The following DYSF variants were observed in gnomAD, a reference collection of about 807,000 sequenced individuals.
The protein encoded by DYSF is dysferlin.
In DYSF, 212 loss-of-function variants were observed where a neutral mutation model predicts 274.9. The ratio of observed to expected loss-of-function variants is 0.77; its 90% confidence interval spans 0.69 to 0.86. The LOEUF (loss-of-function observed/expected upper bound fraction) is 0.86, where lower values mean the gene tolerates loss of function less well. DYSF is among the 40% of genes least tolerant of loss of function. DYSF has a pLI of 0.00. For missense variants in DYSF, 2,666 were observed against 2,783.2 expected, an observed-to-expected ratio of 0.96 and a Z score of 0.95; for synonymous variants, 1,091 against 1,078.7, an observed-to-expected ratio of 1.01 and a Z score of -0.22.
At chr2:71,567,848 G>C in intron 24 of DYSF, 103 bp from the exon 25 acceptor site, 1 of 1,536,842 alleles carries the variant, frequency 6.5e-7, no homozygotes, top group Non-Finnish European at 8.8e-7. Flanking sequence ...GAGGGTGTCA[G>C]CCTGCTCTAC....
At chr2:71,609,672 A>G (rs1021842944) in intron 36 of DYSF, among the ~76,000 whole-genome samples, 3 of 152,226 alleles carry the variant, frequency 2.0e-5, no homozygotes, top group African/African-American at 4.8e-5. Flanking sequence ...CAGAGCTGGA[A>G]CTAGAGTTGA....
rs2559081 is a variant in DYSF, at chr2:71,674,156, C to T, written c.5785-41C>T. 1,328,487 of 1,591,058 alleles carry T rather than the reference C, an allele frequency of 0.83. 558,694 individuals are homozygous for T. The highest frequency in any genetic ancestry group is 0.86 in the Non-Finnish European group (1,002,310 of 1,159,998). On this transcript the variant is annotated intron_variant, in intron 51 of 55. Coordinates refer to ENST00000410020, the MANE Select transcript of DYSF (RefSeq NM_001130987.2). ...GAAGGGAACACTGCCTCTCTCTAAC[C>T]TTGCTTCCTTGCATCCTTCTCTGTT... is the stretch of plus-strand genomic sequence containing the variant.
chr2:71,686,433 C>T, intron 55 of DYSF, 21 bp from the exon 56 acceptor site: 1 of 1,613,936 alleles, frequency 6.2e-7, no homozygotes, highest in Non-Finnish European at 8.5e-7. Context: ...CCATGGGTCC[C>T]TGTCTCCTCC....
In DYSF at chr2:71,656,517, A is replaced by G. The variant is rs559579469; in HGVS notation, c.4755+227A>G. ...TGGTGGTGACTCTGGTAGAGATGAG[A>G]GTGGTGGTCATGATGGTGATTGTGT... On this transcript the variant is annotated intron_variant, in intron 43 of 55. Transcript: ENST00000410020. Among the ~76,000 whole-genome samples the G allele has an allele frequency of 5.3e-5, 8 of 151,846 alleles. No individual in the cohort carries two copies. In the South Asian group the frequency reaches 1.7e-3, roughly 32 times the overall value.
chr2:71,522,513 A>G (rs912143460), intron 12 of DYSF, among the ~76,000 whole-genome samples: 2 of 152,036 alleles, frequency 1.3e-5, no homozygotes, highest in African/African-American at 4.8e-5. Flanking sequence ...TGGGTTCTTC[A>G]AATTCGATGT....
chr2:71,638,110 G>A (rs1184714690), intron 41 of DYSF, among the ~76,000 whole-genome samples: 1 of 151,232 alleles, frequency 6.6e-6, no homozygotes. Context: ...TAAATAGCTT[G>A]TTCTATTAAA....
At chr2:71,581,452 A>G (rs1273469826) in intron 30 of DYSF, among the ~76,000 whole-genome samples, 1 of 152,198 alleles carries the variant, frequency 6.6e-6, no homozygotes. Context: ...TCTGTCTTTT[A>G]AAGGGTTCCC....
intron 45 of DYSF, 71 bp downstream of exon 45, chr2:71,660,722 T>C (rs1285331426): frequency 3.0e-6 from 4 of 1,321,504 alleles, no homozygotes; most frequent in Non-Finnish European, 4.4e-6. Context: ...GTGGGGGAGA[T>C]GTGACTGGCA....
intron 30 of DYSF, among the ~76,000 whole-genome samples, chr2:71,579,968 G>C (rs1036874208): frequency 5.3e-5 from 8 of 152,240 alleles, no homozygotes; most frequent in Non-Finnish European, 1.0e-4. Flanking sequence ...CACAGCACGA[G>C]TCAGTGCTTA....
At chr2:71,585,693 C>A (rs2093042655) in intron 30 of DYSF, among the ~76,000 whole-genome samples, 1 of 152,152 alleles carries the variant, frequency 6.6e-6, no homozygotes, top group Non-Finnish European at 1.5e-5. Context: ...GCCCATTGTT[C>A]GTGAGTTCAC....
At chr2:71,573,763 G>A (rs188420271) in intron 29 of DYSF, among the ~76,000 whole-genome samples, 1 of 152,056 alleles carries the variant, frequency 6.6e-6, no homozygotes, top group African/African-American at 2.4e-5. Context: ...CTGGCTGTTT[G>A]GTTCTTCCCG....
At chr2:71,518,359 T>G (rs540108491) in intron 10 of DYSF, among the ~76,000 whole-genome samples, 1 of 150,266 alleles carries the variant, frequency 6.7e-6, no homozygotes, top group South Asian at 2.1e-4. Flanking sequence ...CAGATTCAAG[T>G]GATTCTCCTG....
intron 44 of DYSF, 82 bp from the exon 45 acceptor site, chr2:71,660,478 C>G: frequency 8.2e-7 from 1 of 1,214,670 alleles, no homozygotes; most frequent in Non-Finnish European, 1.2e-6. Context: ...TCCCTCATCC[C>G]ATCCAGAGGC....
In DYSF at chr2:71,466,966, G is replaced by C. The variant is rs1316537629; in HGVS notation, c.91+33G>C. ...CCCCGTGGCTGCCGCGCCCATGCTCGGGTGCTACCCGACTCTCGGCGCTCA... is the reference window on the plus strand; with the variant it reads ...CCCCGTGGCTGCCGCGCCCATGCTCCGGTGCTACCCGACTCTCGGCGCTCA... On this transcript the variant is annotated intron_variant, in intron 1 of 55. Coordinates refer to ENST00000410020, the MANE Select transcript of DYSF (RefSeq NM_001130987.2). 1.9e-6 allele frequency: 3 copies of C among 1,544,620 alleles called. No individual in the cohort carries two copies. In the African/African-American group the frequency reaches 4.1e-5, roughly 21 times the overall value.
chr2:71,481,686 G>A (rs1257608488), intron 2 of DYSF, among the ~76,000 whole-genome samples, 193 bp from the exon 3 acceptor site: 1 of 89,424 alleles, frequency 1.1e-5, no homozygotes. Flanking sequence ...TGGATCTGTG[G>A]TCTTCATCTA....
rs186007313 is a variant in DYSF at position 71,645,316 on chromosome 2, G to A, written c.4626+1253G>A. Among the ~76,000 whole-genome samples, 48 of 152,230 alleles carry A rather than the reference G, an allele frequency of 3.2e-4. No homozygotes were observed. The East Asian group carries it at 8.3e-3, about 26-fold the overall frequency. On this transcript the variant is annotated intron_variant, in intron 42 of 55. Transcript: ENST00000410020. ...AGCCAGAAGGGAGATGGAATGGGAAGGTGGTTTTCCCCTGGAGTCGCGCTG... is the reference window on the plus strand; with the variant it reads ...AGCCAGAAGGGAGATGGAATGGGAAAGTGGTTTTCCCCTGGAGTCGCGCTG...
intron 1 of DYSF, among the ~76,000 whole-genome samples, chr2:71,455,116 G>C (rs2081003367): frequency 6.6e-6 from 1 of 152,134 alleles, no homozygotes; most frequent in Admixed American, 6.5e-5. Flanking sequence ...ACAAGCTCCT[G>C]GATACACCTG....
chr2:71,684,875 A>G (rs1417958543), intron 55 of DYSF, among the ~76,000 whole-genome samples: 2 of 152,204 alleles, frequency 1.3e-5, no homozygotes, highest in African/African-American at 2.4e-5. Flanking sequence ...GCACTAGGTT[A>G]GCTCTGGCCT....
At chr2:71,662,922 G>T (rs2094917387) in intron 45 of DYSF, among the ~76,000 whole-genome samples, 3 of 37,528 alleles carry the variant, frequency 8.0e-5, no homozygotes, top group Non-Finnish European at 2.4e-4. Flanking sequence ...GTGTATATGT[G>T]TGCACGTATG....
Sources: allele counts gnomAD v4.1 joint callset (sites outside exome capture counted in the v4.1 genomes callset), GRCh38; gene constraint gnomAD v4.1.1; transcripts MANE v1.5; gene names NCBI Gene and HGNC (gene_info 2026-07-23, HGNC 2026-07-21).